Variants in ESD observed in about 807,000 individuals in gnomAD.
The protein encoded by ESD is S-formylglutathione hydrolase.
ESD carries 34 observed loss-of-function variants against 38.1 expected under a neutral mutation model. That is an observed-to-expected ratio of 0.89 (90% CI 0.68 to 1.19). The LOEUF is 1.19. Ranked by LOEUF, ESD falls within the 50% of genes most tolerant of loss-of-function variation. The pLI, the probability that ESD is intolerant of heterozygous loss-of-function variation, is 0.00. For missense variants in ESD, 334 were observed against 327.2 expected (o/e 1.02, Z -0.16); for synonymous variants, 97 against 107.0 (o/e 0.91, Z 0.58).
chr13:46,782,054 C>G (rs116993567), intron 6 of ESD, among the ~76,000 whole-genome samples: 4,328 of 151,530 alleles, frequency 0.029, 89 homozygotes, highest in Non-Finnish European at 0.045. Context: ...GAATATTACA[C>G]AATTATTAAA....
intron 9 of ESD, among the ~76,000 whole-genome samples, chr13:46,772,976 G>T (rs1010107068): frequency 6.6e-6 from 1 of 152,178 alleles, no homozygotes; most frequent in Non-Finnish European, 1.5e-5. Context: ...GAGCCACTGC[G>T]CCTGGCCTGG....
chr13:46,791,943 C>T (rs2138305107), intron 2 of ESD, among the ~76,000 whole-genome samples: 1 of 152,112 alleles, frequency 6.6e-6, no homozygotes, highest in African/African-American at 2.4e-5. Flanking sequence ...TCCAATTACT[C>T]ATCCCATGAA....
At position 46,771,599 on chromosome 13, in the gene ESD, G is replaced by A. The variant is rs1593401768; in HGVS notation, c.769-103C>T. On this transcript the variant is annotated intron_variant, in intron 9 of 9. Coordinates refer to ENST00000378720, the MANE Select transcript of ESD (RefSeq NM_001984.2). The stretch of plus-strand genomic sequence containing the variant: ...AGGTCGTTTAATTTGCTTACAAATA[G>A]TCATAACATTAAGGAAGTATGAGGA... 6 of 663,842 alleles carry A rather than the reference G, an allele frequency of 9.0e-6. No homozygotes were observed. The East Asian group carries it at 1.1e-4, about 12-fold the overall frequency. The allele number at this position is 663,842 out of a possible 1,614,324, so 41.1% of individuals were successfully genotyped here. A position where few individuals can be genotyped will look rare whatever the true frequency, so the allele number is the denominator to read the frequency against.
rs770222937 is a variant in ESD, at chr13:46,771,380, T to C, written c.*36A>G. On this transcript the variant is annotated 3_prime_UTR_variant, in exon 10 of 10. Transcript: ENST00000378720. ...CAATACAGTTGCATTTTACAACTTT[T>C]ATAATCCTGAAGAGATTCTCTTATT... 7 of 1,412,228 alleles carry C rather than the reference T, an allele frequency of 5.0e-6. No homozygotes were observed. In the African/African-American group the frequency reaches 5.8e-5, roughly 12 times the overall value. The allele number at this position is 1,412,228 out of a possible 1,614,324, so 87.5% of individuals were successfully genotyped here.
chr13:46,776,322 T>C (rs891125685), intron 9 of ESD: 1 of 152,182 alleles, frequency 6.6e-6, no homozygotes, highest in African/African-American at 2.4e-5. Context: ...ACAGGAAGAC[T>C]GCTCAGATCT....
intron 9 of ESD, 98 bp downstream of exon 9, chr13:46,777,358 G>A (rs534316784): frequency 2.1e-6 from 2 of 941,624 alleles, no homozygotes; most frequent in Non-Finnish European, 3.0e-6. Context: ...ACTAGAAGTA[G>A]CATTTTATAT....
chr13:46,777,356 T>C (rs1399507569), intron 9 of ESD, 100 bp downstream of exon 9: 3 of 920,664 alleles, frequency 3.3e-6, no homozygotes, highest in Non-Finnish European at 4.6e-6. Flanking sequence ...TTACTAGAAG[T>C]AGCATTTTAT....
intron 9 of ESD, among the ~76,000 whole-genome samples, chr13:46,772,753 T>C (rs1232853249): frequency 1.3e-5 from 2 of 152,132 alleles, no homozygotes; most frequent in Non-Finnish European, 2.9e-5. Flanking sequence ...TGCATGATCT[T>C]GGCTCACTGC....
At chr13:46,789,462 T>C (rs1037468409) in intron 3 of ESD, among the ~76,000 whole-genome samples, 3 of 152,198 alleles carry the variant, frequency 2.0e-5, no homozygotes, top group African/African-American at 7.2e-5. Flanking sequence ...TCTCTTTTTC[T>C]CAATGTTTGA....
chr13:46,795,189 A>G (rs1174393573), intron 1 of ESD, among the ~76,000 whole-genome samples: 1 of 152,156 alleles, frequency 6.6e-6, no homozygotes, highest in Non-Finnish European at 1.5e-5. Flanking sequence ...TCCTAATTAT[A>G]TATAAGAAAT....
intron 9 of ESD, among the ~76,000 whole-genome samples, chr13:46,773,676 A>G (rs554585465): frequency 6.6e-6 from 1 of 152,212 alleles, no homozygotes; most frequent in Non-Finnish European, 1.5e-5. Context: ...AGCTGTTAAT[A>G]AAAAGTTCTA....
chr13:46,780,018 C>T lies in ESD; in HGVS notation c.517G>A (p.Ala173Thr). The change falls in exon 8 of 10, where the codon GCT becomes ACT. Residue 173 changes from alanine (A) to threonine (T), a missense_variant. Ala to Thr is a moderately conservative substitution (Grantham distance 58). Coordinates refer to ENST00000378720, the MANE Select transcript of ESD (RefSeq NM_001984.2). The stretch of plus-strand genomic sequence containing the variant: ...CAGAGTACAGGGTTGCAAATTGGAG[C>T]AAATGCTGACACAGACTTCAGAAAC... ...PGKYKSVSAF[A>T]PICNPVLCPW... 1 of 1,593,132 alleles carries T rather than the reference C, an allele frequency of 6.3e-7. No homozygotes were observed. Among genetic ancestry groups the T allele is most frequent in the Non-Finnish European group, 8.6e-7 (1 of 1,168,586 alleles).
intron 1 of ESD, among the ~76,000 whole-genome samples, chr13:46,794,756 A>G (rs1875521077): frequency 6.6e-6 from 1 of 152,162 alleles, no homozygotes; most frequent in Admixed American, 6.5e-5. Flanking sequence ...TACAGTTCCA[A>G]TAACTGCTGT....
At chr13:46,790,825 T>A (rs1322059137) in intron 3 of ESD, among the ~76,000 whole-genome samples, 1 of 152,196 alleles carries the variant, frequency 6.6e-6, no homozygotes, top group Non-Finnish European at 1.5e-5. Context: ...TTTTACTAAG[T>A]CAGGTACTAC....
At chr13:46,793,148 CCCA>C (rs1349782254) in intron 2 of ESD, among the ~76,000 whole-genome samples, 1 of 151,936 alleles carries the variant, frequency 6.6e-6, no homozygotes, top group African/African-American at 2.4e-5. Flanking sequence ...ATTTTTTCTA[CCCA>C]CCATTTTAGA....
At chr13:46,786,410 A>G (rs930106677) in intron 4 of ESD, among the ~76,000 whole-genome samples, 2 of 152,010 alleles carry the variant, frequency 1.3e-5, no homozygotes, top group Non-Finnish European at 2.9e-5. Context: ...TTTGCTTCTG[A>G]AGATGAAGTA....
chr13:46,786,655 G>C (rs986239532), intron 4 of ESD, among the ~76,000 whole-genome samples: 1 of 151,940 alleles, frequency 6.6e-6, no homozygotes, highest in Non-Finnish European at 1.5e-5. Flanking sequence ...TTTCTAATTA[G>C]AGTATCTTGG....
chr13:46,791,194 T>C (rs1198705800), intron 3 of ESD, 152 bp downstream of exon 3: 3 of 575,830 alleles, frequency 5.2e-6, no homozygotes, highest in Admixed American at 7.0e-5. Context: ...TTAAGTCTGG[T>C]AGAATTGTCA....
intron 8 of ESD, among the ~76,000 whole-genome samples, chr13:46,779,236 G>C (rs1438645590): frequency 6.6e-6 from 1 of 151,694 alleles, no homozygotes; most frequent in Non-Finnish European, 1.5e-5. Context: ...TATTTTTAAA[G>C]ACTCGTGTCT....
Sources: gnomAD v4.1 joint callset for allele counts (sites outside exome capture counted in the v4.1 genomes callset) on GRCh38, gnomAD v4.1.1 for gene constraint, MANE v1.5 for transcripts, NCBI Gene and HGNC (gene_info 2026-07-23, HGNC 2026-07-21) for gene names.